GLB1: variants seen among roughly 807,000 people sequenced by gnomAD.
The protein encoded by GLB1 is galactosidase beta 1.
Under a neutral mutation model 74.0 loss-of-function variants are expected in GLB1, and 56 were observed. The observed-to-expected ratio is 0.76, with a 90% CI of 0.61 to 0.94. The LOEUF is 0.94. GLB1 is among the 40% of genes least tolerant of loss of function. The pLI is 0.00. For synonymous variants in GLB1, 323 were observed against 323.6 expected, an observed-to-expected ratio of 1.00 and a Z score of 0.02; for missense variants, 787 against 845.5, an observed-to-expected ratio of 0.93 and a Z score of 0.86.
chr3:33,085,969 T>A (rs963075333), intron 1 of GLB1, among the ~76,000 whole-genome samples: 1 of 150,828 alleles, frequency 6.6e-6, no homozygotes, highest in African/African-American at 2.4e-5. Context: ...GTCCTAGCTA[T>A]CTGGAGGCCA....
chr3:33,058,948 A>G (rs948911969), intron 5 of GLB1, among the ~76,000 whole-genome samples: 3 of 152,106 alleles, frequency 2.0e-5, no homozygotes, highest in African/African-American at 7.2e-5. Flanking sequence ...CTCAACCAGG[A>G]GCTCTTTAGC....
intron 1 of GLB1, chr3:33,091,183 G>C (rs554794864): frequency 1.0e-6 from 1 of 985,286 alleles, no homozygotes; most frequent in Non-Finnish European, 1.2e-6. Context: ...ACAGTGAAGA[G>C]AGAAAAAAGA....
intron 2 of GLB1, among the ~76,000 whole-genome samples, chr3:33,069,190 C>T (rs1699805380): frequency 6.6e-6 from 1 of 151,970 alleles, no homozygotes; most frequent in Non-Finnish European, 1.5e-5. Context: ...AGGAGTTTGA[C>T]ACCAGCCTGG....
intron 10 of GLB1, among the ~76,000 whole-genome samples, chr3:33,035,563 A>C (rs1468928264): frequency 6.6e-6 from 1 of 152,154 alleles, no homozygotes; most frequent in Non-Finnish European, 1.5e-5. Flanking sequence ...AAGGACTTTG[A>C]GATGGGGTTA....
chr3:33,016,708 C>T lies in GLB1; in HGVS notation c.1479+1G>A, dbSNP rs1022476871. 10 of 1,613,636 alleles carry T rather than the reference C, an allele frequency of 6.2e-6. No homozygotes were observed. Among genetic ancestry groups the T allele is most frequent in the Non-Finnish European group, 8.5e-6 (10 of 1,179,770 alleles). ...AGTCTTGACAGTGTGGTTTGTCCTACCTTAAAATCGTTGATATATGCACCA... is the reference window on the plus strand; with the variant it reads ...AGTCTTGACAGTGTGGTTTGTCCTATCTTAAAATCGTTGATATATGCACCA... On this transcript the variant is annotated splice_donor_variant, in intron 14 of 15. Coordinates refer to ENST00000307363, the MANE Select transcript of GLB1 (RefSeq NM_000404.4). LOFTEE classifies it high-confidence loss of function.
intron 9 of GLB1, among the ~76,000 whole-genome samples, chr3:33,048,735 G>A (rs1052107177): frequency 2.0e-5 from 3 of 152,142 alleles, no homozygotes; most frequent in African/African-American, 7.2e-5. Flanking sequence ...GTGGGGGCTG[G>A]CTCAGGGGCT....
the GLB1 span, among the ~76,000 whole-genome samples, chr3:32,978,019 C>T: frequency 9.3e-4 from 141 of 152,272 alleles, no homozygotes; most frequent in African/African-American, 3.1e-3. Context: ...TTGTTATTAT[C>T]GCTAACCATT....
chr3:33,020,901 CAGAG>C (rs998438207), intron 12 of GLB1, among the ~76,000 whole-genome samples: 97 of 152,122 alleles, frequency 6.4e-4, no homozygotes, highest in African/African-American at 2.2e-3. Flanking sequence ...ACTACATACA[CAGAG>C]AGAAAAAGGC....
At chr3:33,080,098 T>TTTTTGTTG (rs1553613476) in intron 1 of GLB1, among the ~76,000 whole-genome samples, 138 of 151,908 alleles carry the variant, frequency 9.1e-4, no homozygotes, top group Middle Eastern at 3.4e-3. Context: ...AACTGTTTTT[T>TTTTTGTTG]TTTGTTTGTT....
chr3:32,997,328 T>C lies in GLB1; in HGVS notation c.1751A>G (p.Asn584Ser). The change falls in exon 16 of 16, where the codon AAT (asparagine) becomes AGT (serine). Residue 584 changes from asparagine to serine, a missense_variant. Coordinates refer to ENST00000307363, the MANE Select transcript of GLB1 (RefSeq NM_000404.4). ...PGWTKGQVWI[N>S]GFNLGRYWPA... ...CCAATAGCGGCCAAGGTTAAAGCCATTAATCCAGACCTGGCCCTGGAGAGA... is the reference window on the plus strand; with the variant it reads ...CCAATAGCGGCCAAGGTTAAAGCCACTAATCCAGACCTGGCCCTGGAGAGA... The C allele has an allele frequency of 6.2e-7, 1 of 1,613,256 alleles. No individual in the cohort carries two copies. The highest frequency in any genetic ancestry group is 8.5e-7 in the Non-Finnish European group (1 of 1,179,972).
the GLB1 span, among the ~76,000 whole-genome samples, chr3:32,985,084 G>A: frequency 7.1e-6 from 1 of 139,972 alleles, no homozygotes; most frequent in Non-Finnish European, 1.5e-5. Context: ...CAGCCTGGGT[G>A]ACGGAGTGAA....
At chr3:33,034,557 G>C in intron 10 of GLB1, 1 of 723,056 alleles carries the variant, frequency 1.4e-6, no homozygotes, top group South Asian at 1.5e-5. Flanking sequence ...TGGGATGGTC[G>C]TGTGTTCATC....
intron 1 of GLB1, among the ~76,000 whole-genome samples, chr3:33,087,341 G>A (rs529016562): frequency 2.4e-4 from 36 of 152,172 alleles, no homozygotes; most frequent in African/African-American, 7.0e-4. Flanking sequence ...AGGGGGAAGC[G>A]GCCAGATCAC....
chr3:33,044,282 C>G (rs1445005284), intron 10 of GLB1, among the ~76,000 whole-genome samples: 1 of 151,964 alleles, frequency 6.6e-6, no homozygotes, highest in Non-Finnish European at 1.5e-5. Flanking sequence ...CAGGAAAGTA[C>G]TTATTTCCAG....
Position 33,021,591 on chromosome 3 carries a change from G to T in GLB1, c.1208C>A (p.Pro403His). ...CPSGPIKSLYPLTFIQVKQHY... is the reference protein window; with the variant it reads ...CPSGPIKSLYHLTFIQVKQHY... ...CTGTTTCACCTGGATAAATGTCAAG[G>T]GATAAAGGCTTTTGATGGGCCCAGA... Residue 403 changes from proline to histidine, a missense_variant, in exon 12 of 16, where the codon CCC becomes CAC. Pro to His is a moderately conservative substitution (Grantham distance 77). Coordinates refer to ENST00000307363, the MANE Select transcript of GLB1 (RefSeq NM_000404.4). 6.2e-7 allele frequency: 1 copy of T among 1,613,998 alleles called. No homozygotes were observed. Among genetic ancestry groups the T allele is most frequent in the Non-Finnish European group, 8.5e-7 (1 of 1,179,974 alleles).
At chr3:33,044,364 T>C (rs1277525643) in intron 10 of GLB1, among the ~76,000 whole-genome samples, 3 of 151,586 alleles carry the variant, frequency 2.0e-5, no homozygotes, top group African/African-American at 4.9e-5. Flanking sequence ...CAGTAAGAAA[T>C]AGATTGCACA....
intron 11 of GLB1, among the ~76,000 whole-genome samples, chr3:33,023,727 T>C (rs546801799): frequency 1.4e-4 from 21 of 152,290 alleles, no homozygotes; most frequent in Non-Finnish European, 2.8e-4. Flanking sequence ...TGCCCTTAAC[T>C]CCTATTTATG....
chr3:33,011,611 C>T (rs1697030225), intron 15 of GLB1, among the ~76,000 whole-genome samples: 1 of 137,872 alleles, frequency 7.3e-6, no homozygotes, highest in Non-Finnish European at 1.5e-5. Flanking sequence ...CACCACTGTA[C>T]TCCAGCCTAG....
chr3:32,970,820 T>C, the GLB1 span, among the ~76,000 whole-genome samples: 2 of 152,244 alleles, frequency 1.3e-5, no homozygotes, highest in African/African-American at 4.8e-5. Context: ...CACTGGAAGC[T>C]AAGCTCTTAC....
Sources: allele counts gnomAD v4.1 joint callset (sites outside exome capture counted in the v4.1 genomes callset), GRCh38; gene constraint gnomAD v4.1.1; transcripts MANE v1.5; gene names NCBI Gene and HGNC (gene_info 2026-07-23, HGNC 2026-07-21).